RYR3: variants seen among roughly 807,000 people sequenced by gnomAD.
The protein encoded by RYR3 is brain ryanodine receptor-calcium release channel.
Under a neutral mutation model 584.3 loss-of-function variants are expected in RYR3, and 207 were observed. That is an observed-to-expected ratio of 0.35 (90% CI 0.32 to 0.40). The LOEUF (loss-of-function observed/expected upper bound fraction) is 0.40. RYR3 is among the 10% of genes least tolerant of loss of function. RYR3 has a pLI of 1.00. For missense variants in RYR3, 5,616 were observed against 6,089.2 expected (o/e 0.92, Z 2.59); for synonymous variants, 2,416 against 2,248.5 (o/e 1.07, Z -2.11).
intron 52 of RYR3, among the ~76,000 whole-genome samples, chr15:33,743,213 C>T (rs891999147): frequency 6.6e-6 from 1 of 152,288 alleles, no homozygotes; most frequent in African/African-American, 2.4e-5. Flanking sequence ...ACCAGCTCAG[C>T]CTCTGTGTGG....
chr15:33,687,196 C>G (rs1014850647), intron 38 of RYR3, among the ~76,000 whole-genome samples: 3 of 152,198 alleles, frequency 2.0e-5, no homozygotes, highest in South Asian at 2.1e-4. Context: ...ATCTCCTTAA[C>G]CTGATAAGCA....
chr15:33,607,224 G>A (rs544783576), intron 18 of RYR3, among the ~76,000 whole-genome samples: 16 of 152,302 alleles, frequency 1.1e-4, no homozygotes, highest in East Asian at 3.9e-4. Context: ...GCTGAGCATC[G>A]CTGTTTCCAG....
At chr15:33,433,326 G>T (rs958242393) in intron 1 of RYR3, among the ~76,000 whole-genome samples, 1 of 152,132 alleles carries the variant, frequency 6.6e-6, no homozygotes, top group East Asian at 1.9e-4. Context: ...TGTTAGGCAT[G>T]TCCCCCCAAA....
intron 1 of RYR3, among the ~76,000 whole-genome samples, chr15:33,394,507 A>G (rs550739934): frequency 1.3e-5 from 2 of 152,326 alleles, no homozygotes; most frequent in South Asian, 4.1e-4. Flanking sequence ...AGCAAGGGGT[A>G]TGGAACACCC....
At chr15:33,467,489 G>A (rs2048585555) in intron 1 of RYR3, 1 of 984,854 alleles carries the variant, frequency 1.0e-6, no homozygotes, top group Non-Finnish European at 1.2e-6. Flanking sequence ...GCGAGCCAAG[G>A]TATAAGAAAG....
In RYR3 at chr15:33,414,148, AG is replaced by A. The variant is rs377156464; in HGVS notation, c.52-59270del. ...CCTTGTTAAACAACAGAAATTAATT[AG>A]TCATACTATAAAATTATAAAAATTT... is the stretch of plus-strand genomic sequence containing the variant. On this transcript the variant is annotated intron_variant, in intron 1 of 103. Transcript: ENST00000634891. Among the ~76,000 whole-genome samples the A allele has an allele frequency of 3.4e-3, 517 of 152,366 alleles. 3 individuals are homozygous for A. The highest frequency in any genetic ancestry group is 0.012 in the African/African-American group (489 of 41,586).
chr15:33,865,409 C>CACTGTGGGAGAGAACCTGT lies in RYR3; in HGVS notation c.*184_*202dup, dbSNP rs1890172471. 8.8e-6 allele frequency: 5 copies of CACTGTGGGAGAGAACCTGT among 569,074 alleles called. No individual in the cohort carries two copies. Among genetic ancestry groups the CACTGTGGGAGAGAACCTGT allele is most frequent in the Non-Finnish European group, 1.6e-5 (5 of 320,606 alleles). 35.3% of individuals were successfully genotyped at this position (569,074 alleles called of 1,614,324 possible). On this transcript the variant is annotated 3_prime_UTR_variant, in exon 104 of 104. Coordinates refer to ENST00000634891, the MANE Select transcript of RYR3 (RefSeq NM_001036.6). Reference sequence around the variant, plus strand: ...TGGCTTTTTGTGCCTAATGGACATACACTGTGGGAGAGAACCTGTCAAAAT... The same window carrying CACTGTGGGAGAGAACCTGT: ...TGGCTTTTTGTGCCTAATGGACATACACTGTGGGAGAGAACCTGTACTGTGGGAGAGAACCTGTCAAAAT...
chr15:33,612,708 A>T (rs1165924318), intron 18 of RYR3, among the ~76,000 whole-genome samples: 1 of 152,120 alleles, frequency 6.6e-6, no homozygotes, highest in Non-Finnish European at 1.5e-5. Flanking sequence ...CTTCTCTTTG[A>T]TGGCTTCTCT....
Position 33,838,926 on chromosome 15 carries a change from GAGAGTACTGTAC to G in RYR3, c.12950_12961del (p.Ser4317_Gln4320del). On this transcript the variant is annotated inframe_deletion, in exon 89 of 104. Coordinates refer to ENST00000634891, the MANE Select transcript of RYR3 (RefSeq NM_001036.6). Reference sequence around the variant, plus strand: ...TGGCAAGGATGAACCCCCTACATTAGAGAGTACTGTACAGAAGAAGAGGAAAGCTCAGGTAAG... The same window carrying G: ...TGGCAAGGATGAACCCCCTACATTAGAGAAGAAGAGGAAAGCTCAGGTAAG... 1 of 1,613,606 alleles carries G rather than the reference GAGAGTACTGTAC, an allele frequency of 6.2e-7. No individual in the cohort carries two copies. The highest frequency in any genetic ancestry group is 8.5e-7 in the Non-Finnish European group (1 of 1,179,714).
At chr15:33,501,696 T>C (rs1252231644) in intron 2 of RYR3, among the ~76,000 whole-genome samples, 2 of 152,214 alleles carry the variant, frequency 1.3e-5, no homozygotes, top group East Asian at 1.9e-4. Flanking sequence ...TTTGGAAGGC[T>C]AAGTTAGACA....
At chr15:33,622,003 A>G (rs2060750142) in intron 19 of RYR3, among the ~76,000 whole-genome samples, 2 of 152,244 alleles carry the variant, frequency 1.3e-5, no homozygotes, top group South Asian at 2.1e-4. Context: ...GTCCATGAGC[A>G]ATTCCGAACA....
At chr15:33,470,273 C>G (rs1285550735) in intron 1 of RYR3, among the ~76,000 whole-genome samples, 2 of 152,064 alleles carry the variant, frequency 1.3e-5, no homozygotes, top group South Asian at 4.1e-4. Flanking sequence ...TATTTTGTTT[C>G]TCTTTCTTTT....
Position 33,461,102 on chromosome 15 carries a change from G to A in RYR3, c.52-12317G>A, listed in dbSNP as rs187752196. ...TGTAACTACAGGCACCCGCCACCAC[G>A]CCCAGCTAATTTTTTGTATTTTTAG... On this transcript the variant is annotated intron_variant, in intron 1 of 103. Transcript: ENST00000634891. Among the ~76,000 whole-genome samples the A allele has an allele frequency of 7.5e-4, 114 of 151,674 alleles. 1 individual carries two copies. The East Asian group carries it at 0.02, about 27-fold the overall frequency.
chr15:33,559,531 T>TAAGGC (rs2057290184), intron 10 of RYR3, among the ~76,000 whole-genome samples: 1 of 152,142 alleles, frequency 6.6e-6, no homozygotes, highest in African/African-American at 2.4e-5. Context: ...TTTCCATGGT[T>TAAGGC]AAGGCAAGGC....
At chr15:33,346,642 G>C (rs1162720213) in intron 1 of RYR3, among the ~76,000 whole-genome samples, 1 of 152,110 alleles carries the variant, frequency 6.6e-6, no homozygotes, top group Non-Finnish European at 1.5e-5. Flanking sequence ...GTTGTGCGGG[G>C]GGCACCTTGT....
rs1411866032 is a variant in RYR3, at chr15:33,865,862, TCTTA to T, written c.*640_*643del. On this transcript the variant is annotated 3_prime_UTR_variant, in exon 104 of 104. Transcript: ENST00000634891. ...TCCATTCATTAGTTGTGATCTTCCG[TCTTA>T]CTTTATGAAACTGCACTTGAAGGTT... The T allele has an allele frequency of 7.2e-5, 11 of 152,632 alleles. No individual in the cohort carries two copies. The highest frequency in any genetic ancestry group is 1.4e-4 in the African/African-American group (6 of 41,458). 9.5% of individuals were successfully genotyped at this position (152,632 alleles called of 1,614,324 possible). A position where few individuals can be genotyped will look rare whatever the true frequency, so the allele number is the denominator to read the frequency against.
chr15:33,821,231 T>C (rs1053391949), intron 78 of RYR3, 39 bp from the exon 79 acceptor site: 1 of 1,506,254 alleles, frequency 6.6e-7, no homozygotes, highest in African/African-American at 1.5e-5. Flanking sequence ...TGGTGCTGGG[T>C]AGGAACCAAT....
At chr15:33,377,799 T>C (rs1289708540) in intron 1 of RYR3, among the ~76,000 whole-genome samples, 1 of 152,164 alleles carries the variant, frequency 6.6e-6, no homozygotes. Context: ...AATCTTTTTT[T>C]TTCCCCCCTT....
At chr15:33,650,384 T>A (rs1029282606) in intron 31 of RYR3, among the ~76,000 whole-genome samples, 2 of 151,800 alleles carry the variant, frequency 1.3e-5, no homozygotes, top group Non-Finnish European at 2.9e-5. Flanking sequence ...TCAAAAAAAA[T>A]AAAAATAAAA....
Sources: allele counts gnomAD v4.1 joint callset (sites outside exome capture counted in the v4.1 genomes callset), GRCh38; gene constraint gnomAD v4.1.1; transcripts MANE v1.5; gene names NCBI Gene and HGNC (gene_info 2026-07-23, HGNC 2026-07-21).